The following ZNF487 variants were observed in gnomAD, a reference collection of about 807,000 sequenced individuals.
ZNF487 encodes zinc finger protein 487.
Under a neutral mutation model 3.0 loss-of-function variants are expected in ZNF487, and 4 were observed. That is an observed-to-expected ratio of 1.35 (90% CI 0.66 to 3.08). The LOEUF (loss-of-function observed/expected upper bound fraction) is 3.08, where lower values mean the gene tolerates loss of function less well. Among genes scored for constraint, ZNF487 ranks in the 30% most tolerant of loss-of-function variants. The pLI, the probability that ZNF487 is intolerant of heterozygous loss-of-function variation, is 0.01. For missense variants in ZNF487, 146 were observed against 98.7 expected (o/e 1.48, Z -2.03); for synonymous variants, 55 against 34.6 (o/e 1.59, Z -2.06).
chr10:43,444,270 A>T, intron 1 of ZNF487, among the ~76,000 whole-genome samples: 1 of 152,176 alleles, frequency 6.6e-6, no homozygotes, highest in Non-Finnish European at 1.5e-5. Flanking sequence ...GGCTTCTGTA[A>T]CATCTAGTCT....
chr10:43,517,860 G>A, the ZNF487 span, among the ~76,000 whole-genome samples: 3 of 152,118 alleles, frequency 2.0e-5, no homozygotes, highest in African/African-American at 4.8e-5. Context: ...GGCTACCTGA[G>A]GATCCCTGTG....
the ZNF487 span, among the ~76,000 whole-genome samples, chr10:43,522,370 AC>A: frequency 6.6e-6 from 1 of 152,084 alleles, no homozygotes; most frequent in Admixed American, 6.5e-5. Context: ...TACAAATACC[AC>A]TTGCTAGTAT....
downstream of ZNF487, among the ~76,000 whole-genome samples, chr10:43,484,903 G>A (rs967291276): frequency 1.3e-5 from 2 of 152,034 alleles, no homozygotes; most frequent in African/African-American, 4.8e-5. Flanking sequence ...ATTTTTTTGT[G>A]TCTTAGCGAC....
chr10:43,438,227 C>A (rs1166268634), intron 1 of ZNF487, among the ~76,000 whole-genome samples: 1 of 152,012 alleles, frequency 6.6e-6, no homozygotes, highest in Non-Finnish European at 1.5e-5. Context: ...CCTCTGTCGC[C>A]CAGGCTGGAG....
the ZNF487 span, among the ~76,000 whole-genome samples, chr10:43,498,878 C>CT: frequency 6.7e-6 from 1 of 149,804 alleles, no homozygotes; most frequent in Non-Finnish European, 1.5e-5. Context: ...GGAGGTGGAG[C>CT]TTGTAGTGAG....
At chr10:43,513,118 T>C in the ZNF487 span, among the ~76,000 whole-genome samples, 3 of 152,224 alleles carry the variant, frequency 2.0e-5, no homozygotes, top group Non-Finnish European at 4.4e-5. Flanking sequence ...CAGTGTGATA[T>C]CTTGCGGCAG....
chr10:43,496,096 G>A, the ZNF487 span: 4 of 533,508 alleles, frequency 7.5e-6, no homozygotes, highest in African/African-American at 7.7e-5. Context: ...AGAGGACCCT[G>A]TACATGAATG....
chr10:43,453,546 T>C (rs1362422351), intron 1 of ZNF487: 2 of 152,134 alleles, frequency 1.3e-5, no homozygotes, highest in Non-Finnish European at 2.9e-5. Context: ...GATGGAGTTA[T>C]GGGGGGAGAG....
the ZNF487 span, among the ~76,000 whole-genome samples, chr10:43,520,170 C>T: frequency 7.1e-6 from 1 of 141,222 alleles, no homozygotes; most frequent in South Asian, 2.4e-4. Context: ...GATACCTGAC[C>T]AGATTAAGTT....
chr10:43,438,376 G>A (rs146270124), intron 1 of ZNF487, among the ~76,000 whole-genome samples: 7,285 of 152,242 alleles, frequency 0.048, 249 homozygotes, highest in South Asian at 0.12. Flanking sequence ...AGTAGAGACA[G>A]GGTTTTGCCT....
At chr10:43,480,001 TTC>T (rs959167845) in intron 3 of ZNF487, among the ~76,000 whole-genome samples, 16 of 73,064 alleles carry the variant, frequency 2.2e-4, no homozygotes, top group African/African-American at 5.3e-4. Context: ...CTTTCTTTCT[TTC>T]TTTCTTTCTT....
intron 1 of ZNF487, among the ~76,000 whole-genome samples, chr10:43,457,502 C>T (rs1840252431): frequency 6.7e-6 from 1 of 149,432 alleles, no homozygotes; most frequent in Non-Finnish European, 1.5e-5. Flanking sequence ...TTGCAGTGAG[C>T]CGAGATTGCA....
chr10:43,465,136 G>C (rs549188470), intron 1 of ZNF487, among the ~76,000 whole-genome samples: 1 of 121,258 alleles, frequency 8.2e-6, no homozygotes, highest in African/African-American at 3.0e-5. Flanking sequence ...CTGGCCGGGC[G>C]GGGGGCTGAC....
At chr10:43,473,667 C>CA in intron 1 of ZNF487, among the ~76,000 whole-genome samples, 1 of 148,836 alleles carries the variant, frequency 6.7e-6, no homozygotes, top group South Asian at 2.1e-4. Context: ...TACAGGCCCC[C>CA]TTTTTTTTTT....
chr10:43,457,793 C>T (rs1270952334), intron 1 of ZNF487, among the ~76,000 whole-genome samples: 1 of 151,650 alleles, frequency 6.6e-6, no homozygotes, highest in Admixed American at 6.6e-5. Flanking sequence ...GAGGCCGAGG[C>T]GGGCGGATCA....
the ZNF487 span, among the ~76,000 whole-genome samples, chr10:43,504,288 T>C: frequency 6.2e-5 from 6 of 96,532 alleles, no homozygotes; most frequent in Non-Finnish European, 1.1e-4. Context: ...TTTCTTTCTT[T>C]CTTTCTTTTT....
the ZNF487 span, among the ~76,000 whole-genome samples, chr10:43,511,443 T>A: frequency 6.6e-6 from 1 of 152,316 alleles, no homozygotes; most frequent in South Asian, 2.1e-4. Context: ...GTGTGCAGGA[T>A]AGGCAAACCC....
the ZNF487 span, among the ~76,000 whole-genome samples, chr10:43,504,959 G>A: frequency 6.6e-6 from 1 of 152,016 alleles, no homozygotes; most frequent in Non-Finnish European, 1.5e-5. Context: ...GCCCACCTAA[G>A]CCTCCCAAAG....
At chr10:43,440,052 A>ATGTTTTTTTT (rs147487158) in intron 1 of ZNF487, among the ~76,000 whole-genome samples, 1 of 146,056 alleles carries the variant, frequency 6.8e-6, no homozygotes. Flanking sequence ...ATATATATAT[A>ATGTTTTTTTT]TATTTTTTTT....
Sources: gnomAD v4.1 joint callset for allele counts (sites outside exome capture counted in the v4.1 genomes callset) on GRCh38, gnomAD v4.1.1 for gene constraint, MANE v1.5 for transcripts, NCBI Gene and HGNC (gene_info 2026-07-23, HGNC 2026-07-21) for gene names.